BANK1: variants seen among roughly 807,000 people sequenced by gnomAD.
BANK1 encodes the protein B cell scaffold protein with ankyrin repeats 1, also known as B-cell scaffold protein with ankyrin repeats.
A neutral mutation model predicts 94.5 loss-of-function variants in BANK1; 95 were observed. That is an observed-to-expected ratio of 1.00 (90% CI 0.85 to 1.19). BANK1 has a LOEUF of 1.19. Ranked by LOEUF, BANK1 falls within the 50% of genes most tolerant of loss-of-function variation. The pLI, the probability that BANK1 is intolerant of heterozygous loss-of-function variation, is 0.00. For synonymous variants in BANK1, 334 were observed against 308.4 expected (o/e 1.08, Z -0.87); for missense variants, 987 against 932.2 (o/e 1.06, Z -0.77).
rs1176507515 is a variant in BANK1, at chr4:101,947,309, A to ATATATATG, written c.1206+29123_1206+29124insATATGTAT. 1.2e-3 allele frequency among the ~76,000 whole-genome samples: 82 copies of ATATATATG among 67,886 alleles called. 6 individuals are homozygous for ATATATATG. Among genetic ancestry groups the ATATATATG allele is most frequent in the South Asian group, 1.5e-3 (3 of 2,042 alleles). 44.5% of individuals were successfully genotyped at this position (67,886 alleles called of 152,430 possible). On this transcript the variant is annotated intron_variant, in intron 7 of 16. Coordinates refer to ENST00000322953, the MANE Select transcript of BANK1 (RefSeq NM_017935.5). Reference sequence around the variant, plus strand: ...AATATATATATATATATATATATATATATGTATATGTATTATGTATTATAT... The same window carrying ATATATATG: ...AATATATATATATATATATATATATATATATATGTATGTATATGTATTATGTATTATAT...
At chr4:101,868,752 A>G (rs1312005102) in intron 4 of BANK1, among the ~76,000 whole-genome samples, 3 of 151,960 alleles carry the variant, frequency 2.0e-5, no homozygotes, top group Non-Finnish European at 4.4e-5. Context: ...GAAGCAGAAC[A>G]GAGTACTGCT....
In BANK1 at chr4:101,839,937, A is replaced by ATTTTTTTTT. The variant is rs70964197; in HGVS notation, c.469+9772_469+9780dup. ...GCTACTATATAATTTCAAATATTTA[A>ATTTTTTTTT]TTTTTTTTTTTTTTTTTTTTTTTTT... On this transcript the variant is annotated intron_variant, in intron 2 of 16. Transcript: ENST00000322953. Among the ~76,000 whole-genome samples the ATTTTTTTTT allele has an allele frequency of 7.7e-4, 41 of 53,086 alleles. 10 individuals are homozygous for ATTTTTTTTT. The highest frequency in any genetic ancestry group is 9.8e-4 in the African/African-American group (13 of 13,326). The allele number at this position is 53,086 out of a possible 152,430, so 34.8% of individuals were successfully genotyped here.
chr4:101,823,293 A>C (rs1222862238), intron 1 of BANK1, among the ~76,000 whole-genome samples: 2 of 152,232 alleles, frequency 1.3e-5, no homozygotes, highest in East Asian at 1.9e-4. Context: ...TCCCATTCCA[A>C]TGTATATAAA....
chr4:101,827,526 T>C (rs1479841937), intron 1 of BANK1, among the ~76,000 whole-genome samples: 2 of 151,996 alleles, frequency 1.3e-5, no homozygotes, highest in Non-Finnish European at 2.9e-5. Flanking sequence ...GTGTAATCAC[T>C]TTTATTTCAT....
At chr4:101,958,238 A>G (rs936559956) in intron 7 of BANK1, among the ~76,000 whole-genome samples, 1 of 152,046 alleles carries the variant, frequency 6.6e-6, no homozygotes, top group African/African-American at 2.4e-5. Flanking sequence ...TGTTTGATTT[A>G]CTGAATCCTT....
chr4:101,993,742 C>G (rs1381460005), intron 7 of BANK1, among the ~76,000 whole-genome samples: 1 of 152,128 alleles, frequency 6.6e-6, no homozygotes, highest in Non-Finnish European at 1.5e-5. Flanking sequence ...GGAGAATATT[C>G]CTTTATTTCT....
At chr4:102,004,757 A>G (rs1267423402) in intron 7 of BANK1, among the ~76,000 whole-genome samples, 11 of 152,180 alleles carry the variant, frequency 7.2e-5, no homozygotes, top group Admixed American at 6.5e-5. Context: ...AGTAAAAATC[A>G]TGAGAAAATA....
chr4:102,004,548 G>A (rs1726185567), intron 7 of BANK1, among the ~76,000 whole-genome samples: 2 of 152,122 alleles, frequency 1.3e-5, no homozygotes, highest in Admixed American at 1.3e-4. Context: ...TGGCAGCTGT[G>A]AAGTATTATG....
chr4:101,945,978 C>T (rs1289615500), intron 7 of BANK1, among the ~76,000 whole-genome samples: 1 of 151,894 alleles, frequency 6.6e-6, no homozygotes, highest in African/African-American at 2.4e-5. Flanking sequence ...TCATTGGGAA[C>T]CTGCTCCTTT....
In BANK1 at chr4:101,832,587, C is replaced by T. The variant is rs546684624; in HGVS notation, c.469+2381C>T. Among the ~76,000 whole-genome samples the T allele has an allele frequency of 4.6e-5, 7 of 152,218 alleles. No individual in the cohort carries two copies. In the South Asian group the frequency reaches 8.3e-4, roughly 18 times the overall value. On this transcript the variant is annotated intron_variant, in intron 2 of 16. Coordinates refer to ENST00000322953, the MANE Select transcript of BANK1 (RefSeq NM_017935.5). ...TCTCTGTATTACTTCCAATCTCTTTCGTTTTCATAGTACTTTTACTTTTTC... is the reference window on the plus strand; with the variant it reads ...TCTCTGTATTACTTCCAATCTCTTTTGTTTTCATAGTACTTTTACTTTTTC...
At chr4:101,912,801 T>C (rs1722708392) in intron 6 of BANK1, among the ~76,000 whole-genome samples, 2 of 152,066 alleles carry the variant, frequency 1.3e-5, no homozygotes, top group African/African-American at 2.4e-5. Context: ...CTCCTTTTAC[T>C]GCCCAAAAGA....
Position 101,888,892 on chromosome 4 carries a change from C to A in BANK1, c.904-6413C>A, listed in dbSNP as rs879426811. 5.9e-5 allele frequency among the ~76,000 whole-genome samples: 9 copies of A among 152,256 alleles called. No individual in the cohort carries two copies. In the South Asian group the frequency reaches 8.3e-4, roughly 14 times the overall value. On this transcript the variant is annotated intron_variant, in intron 5 of 16. Transcript: ENST00000322953. Reference sequence around the variant, plus strand: ...AGCTATTTACATTATGTAATACTGTCCTAAAATGCTTTCAAATACAGCCTC... The same window carrying A: ...AGCTATTTACATTATGTAATACTGTACTAAAATGCTTTCAAATACAGCCTC...
At chr4:102,026,093 A>G (rs1481028157) in intron 9 of BANK1, among the ~76,000 whole-genome samples, 4 of 152,166 alleles carry the variant, frequency 2.6e-5, no homozygotes, top group Non-Finnish European at 4.4e-5. Context: ...AAGTGGAAGA[A>G]GAGTCAACAT....
intron 6 of BANK1, 100 bp downstream of exon 6, chr4:101,895,510 G>A: frequency 1.5e-6 from 1 of 669,458 alleles, no homozygotes; most frequent in South Asian, 1.9e-5. Flanking sequence ...TAGCTGCACT[G>A]CTGATGAGAT....
chr4:101,918,116 A>G lies in BANK1; in HGVS notation c.1133A>G (p.Glu378Gly). Reference sequence around the variant, plus strand: ...TGGGCATCTAAGATGAAAAATATGGAGGGTTCAGACCCCGCACATATTGCT... The same window carrying G: ...TGGGCATCTAAGATGAAAAATATGGGGGGTTCAGACCCCGCACATATTGCT... Reference protein sequence around the residue: ...ATWASKMKNMEGSDPAHIAER... With the variant: ...ATWASKMKNMGGSDPAHIAER... Residue 378 changes from glutamate to glycine, a missense_variant, in exon 7 of 17, where the codon GAG (glutamate) becomes GGG (glycine). Coordinates refer to ENST00000322953, the MANE Select transcript of BANK1 (RefSeq NM_017935.5). 6.2e-7 allele frequency: 1 copy of G among 1,612,190 alleles called. No individual in the cohort carries two copies. The highest frequency in any genetic ancestry group is 2.2e-5 in the East Asian group (1 of 44,794).
chr4:101,800,617 T>A (rs1036861721), intron 1 of BANK1, among the ~76,000 whole-genome samples: 1 of 152,214 alleles, frequency 6.6e-6, no homozygotes, highest in Non-Finnish European at 1.5e-5. Context: ...TACTCCTGAA[T>A]AAATCTTTCT....
intron 7 of BANK1, among the ~76,000 whole-genome samples, chr4:101,926,302 A>G (rs1365523725): frequency 1.3e-5 from 2 of 151,694 alleles, no homozygotes; most frequent in Non-Finnish European, 3.0e-5. Flanking sequence ...TTATGTAGCA[A>G]CACTCTCTTT....
At chr4:101,888,372 G>A (rs756631417) in intron 5 of BANK1, among the ~76,000 whole-genome samples, 1 of 152,080 alleles carries the variant, frequency 6.6e-6, no homozygotes, top group Non-Finnish European at 1.5e-5. Context: ...GATATGGTTG[G>A]CTGTAGCCCC....
chr4:101,996,287 A>G (rs549202572), intron 7 of BANK1, among the ~76,000 whole-genome samples: 6 of 152,188 alleles, frequency 3.9e-5, no homozygotes, highest in South Asian at 4.1e-4. Context: ...ATTGGTCCAT[A>G]TATCTGTTTG....
Sources: gnomAD v4.1 joint callset for allele counts (sites outside exome capture counted in the v4.1 genomes callset) on GRCh38, gnomAD v4.1.1 for gene constraint, MANE v1.5 for transcripts, NCBI Gene and HGNC (gene_info 2026-07-23, HGNC 2026-07-21) for gene names.